Variants in FOXP1 observed in about 807,000 individuals in gnomAD.
FOXP1 encodes forkhead box P1.
Under a neutral mutation model 98.2 loss-of-function variants are expected in FOXP1, and 15 were observed. The ratio of observed to expected loss-of-function variants is 0.15; its 90% CI spans 0.10 to 0.24. The LOEUF (loss-of-function observed/expected upper bound fraction) is 0.24. FOXP1 is among the 10% of genes least tolerant of loss of function. The probability of loss-of-function intolerance (pLI) is 1.00; values close to 1 mark genes in which losing one functional copy is unlikely to be tolerated. For synonymous variants in FOXP1, 371 were observed against 314.5 expected, an observed-to-expected ratio of 1.18 and a Z score of -1.90; for missense variants, 633 against 848.5, an observed-to-expected ratio of 0.75 and a Z score of 3.15.
At chr3:71,425,421 C>T (rs1411985974) in intron 3 of FOXP1, among the ~76,000 whole-genome samples, 7 of 152,168 alleles carry the variant, frequency 4.6e-5, no homozygotes, top group Admixed American at 4.6e-4. Flanking sequence ...CCACCACACC[C>T]AGCCATTTTA....
At chr3:71,407,452 C>T (rs551848550) in intron 3 of FOXP1, among the ~76,000 whole-genome samples, 1 of 152,162 alleles carries the variant, frequency 6.6e-6, no homozygotes, top group African/African-American at 2.4e-5. Context: ...TTACATTATG[C>T]ACCATATTAT....
At chr3:71,491,484 C>T (rs71298390) in intron 3 of FOXP1, among the ~76,000 whole-genome samples, 6,863 of 152,260 alleles carry the variant, frequency 0.045, 182 homozygotes, top group African/African-American at 0.051. Context: ...ACTAACAGCT[C>T]TAAAATTTCA....
rs1342028046 is a variant in FOXP1, at chr3:71,397,082, A to G, written c.-167-37838T>C. ...TATGTGTATATATATATACATATATATGTGTATATATATATATACATATAT... is the reference window on the plus strand; with the variant it reads ...TATGTGTATATATATATACATATATGTGTGTATATATATATATACATATAT... On this transcript the variant is annotated intron_variant, in intron 3 of 20. Coordinates refer to ENST00000649528, the MANE Select transcript of FOXP1 (RefSeq NM_001349338.3). 7.9e-4 allele frequency among the ~76,000 whole-genome samples: 49 copies of G among 61,996 alleles called. 8 individuals carry two copies. Among genetic ancestry groups the G allele is most frequent in the African/African-American group, 2.5e-3 (35 of 14,026 alleles). 40.7% of individuals were successfully genotyped at this position (61,996 alleles called of 152,430 possible).
intron 6 of FOXP1, among the ~76,000 whole-genome samples, chr3:71,176,834 G>T (rs35764796): frequency 3.8e-4 from 57 of 151,492 alleles, no homozygotes; most frequent in African/African-American, 1.4e-3. Flanking sequence ...GGCTGATGTG[G>T]GCAGACAGCT....
chr3:71,287,796 A>G (rs1316160121), intron 5 of FOXP1, among the ~76,000 whole-genome samples: 1 of 152,180 alleles, frequency 6.6e-6, no homozygotes, highest in Non-Finnish European at 1.5e-5. Flanking sequence ...TAAAAATAAA[A>G]TAAAAACAAT....
At chr3:70,979,119 C>T (rs1208305985) in intron 14 of FOXP1, among the ~76,000 whole-genome samples, 2 of 146,954 alleles carry the variant, frequency 1.4e-5, no homozygotes, top group Non-Finnish European at 3.0e-5. Flanking sequence ...CACACACATA[C>T]ACACACACAC....
At chr3:71,377,697 T>A (rs893201544) in intron 3 of FOXP1, among the ~76,000 whole-genome samples, 1 of 152,248 alleles carries the variant, frequency 6.6e-6, no homozygotes, top group Non-Finnish European at 1.5e-5. Context: ...TCTTGGTTCA[T>A]GTTGATACTG....
intron 2 of FOXP1, among the ~76,000 whole-genome samples, chr3:71,527,910 C>G (rs2043526111): frequency 6.6e-6 from 1 of 152,136 alleles, no homozygotes; most frequent in Non-Finnish European, 1.5e-5. Context: ...TTACACTTTG[C>G]CATATTTATT....
In FOXP1 at chr3:70,977,658, T is replaced by C. The variant is rs144080925; in HGVS notation, c.1413A>G (p.Ala471=). The C allele has an allele frequency of 1.8e-3, 2,905 of 1,613,400 alleles. 20 individuals carry two copies. The highest frequency in any genetic ancestry group is 0.013 in the South Asian group (1,162 of 91,060). Residue 471 remains alanine (A), a synonymous_variant, in exon 16 of 21, where the codon GCA becomes GCG. Transcript: ENST00000649528. Reference sequence around the variant, plus strand: ...ATTTACTTACCTGCCTAATTAAAGATGCATATGTAAATGGTGGTCTAACTT... The same window carrying C: ...ATTTACTTACCTGCCTAATTAAAGACGCATATGTAAATGGTGGTCTAACTT... The part of the protein sequence containing the change: ...NAEVRPPFTY[A]SLIRQAILES...
intron 3 of FOXP1, among the ~76,000 whole-genome samples, chr3:71,456,071 A>G (rs2108516805): frequency 6.6e-6 from 1 of 152,316 alleles, no homozygotes; most frequent in African/African-American, 2.4e-5. Context: ...TGCCAAACCG[A>G]GGGAAAGGAG....
chr3:70,970,683 A>T, intron 19 of FOXP1, 53 bp downstream of exon 19: 1 of 1,309,940 alleles, frequency 7.6e-7, no homozygotes. Flanking sequence ...TTTTGAAATG[A>T]GTAGGGGAGA....
At chr3:71,553,151 C>T (rs930782630) in intron 2 of FOXP1, among the ~76,000 whole-genome samples, 1 of 151,980 alleles carries the variant, frequency 6.6e-6, no homozygotes, top group African/African-American at 2.4e-5. Context: ...TGTTAGCATA[C>T]CAAATTTCCC....
chr3:71,367,467 C>T (rs918028964), intron 3 of FOXP1, among the ~76,000 whole-genome samples: 1 of 152,146 alleles, frequency 6.6e-6, no homozygotes, highest in Non-Finnish European at 1.5e-5. Context: ...CTCTGGCCTC[C>T]CGCTTAACTA....
rs149210337 is a variant in FOXP1 at position 71,450,478 on chromosome 3, C to T, written c.-168+42948G>A. Among the ~76,000 whole-genome samples, 55 of 152,284 alleles carry T rather than the reference C, an allele frequency of 3.6e-4. 2 individuals carry two copies. Among genetic ancestry groups the T allele is most frequent in the Admixed American group, 1.1e-3 (17 of 15,298 alleles). On this transcript the variant is annotated intron_variant, in intron 3 of 20. Coordinates refer to ENST00000649528, the MANE Select transcript of FOXP1 (RefSeq NM_001349338.3). ...CAGCTGTCCGATGCAAATTTGTGTA[C>T]GATTTTGTATGCATTACCAAGCTAC...
At chr3:71,501,474 T>G (rs2041352768) in intron 2 of FOXP1, among the ~76,000 whole-genome samples, 1 of 151,968 alleles carries the variant, frequency 6.6e-6, no homozygotes, top group African/African-American at 2.4e-5. Flanking sequence ...TTTGTATTTT[T>G]AGTAGAAAGA....
chr3:71,318,766 T>A (rs2075227226), intron 4 of FOXP1, among the ~76,000 whole-genome samples: 1 of 152,166 alleles, frequency 6.6e-6, no homozygotes, highest in Non-Finnish European at 1.5e-5. Flanking sequence ...GACAAAATGG[T>A]TCCAGTTAAA....
At chr3:71,583,820 G>T (rs1309562998), upstream of FOXP1, 2 of 987,396 alleles carry the variant, frequency 2.0e-6, no homozygotes, top group South Asian at 4.5e-5. Context: ...CGGCGGCGGC[G>T]GCGGCAGAGG....
At chr3:71,040,080 GGTGTGTGT>G (rs111790256) in intron 11 of FOXP1, among the ~76,000 whole-genome samples, 3 of 147,924 alleles carry the variant, frequency 2.0e-5, no homozygotes, top group African/African-American at 7.4e-5. Context: ...ACTTGAACAT[GGTGTGTGT>G]GTGTGTGTGT....
intron 5 of FOXP1, among the ~76,000 whole-genome samples, chr3:71,232,068 G>C (rs1483976745): frequency 6.6e-6 from 1 of 152,210 alleles, no homozygotes; most frequent in Non-Finnish European, 1.5e-5. Flanking sequence ...TCTCTTGTCA[G>C]GTCACATCTG....
Sources: allele counts gnomAD v4.1 joint callset (sites outside exome capture counted in the v4.1 genomes callset), GRCh38; gene constraint gnomAD v4.1.1; transcripts MANE v1.5; gene names NCBI Gene and HGNC (gene_info 2026-07-23, HGNC 2026-07-21).